The following NEGR1 variants were observed in gnomAD, a reference collection of about 807,000 sequenced individuals.
The protein encoded by NEGR1 is IgLON family member 4.
NEGR1 carries 10 observed loss-of-function variants against 40.9 expected under a neutral mutation model. The ratio of observed to expected loss-of-function variants is 0.24; its 90% CI spans 0.15 to 0.42. The LOEUF (loss-of-function observed/expected upper bound fraction) is 0.42. Among genes scored for constraint, NEGR1 ranks in the 10% least tolerant of loss-of-function variants. The probability of loss-of-function intolerance (pLI) is 1.00; values close to 1 mark genes in which losing one functional copy is unlikely to be tolerated. For missense variants in NEGR1, 352 were observed against 438.9 expected, an observed-to-expected ratio of 0.80 and a Z score of 1.77; for synonymous variants, 185 against 166.8, an observed-to-expected ratio of 1.11 and a Z score of -0.84.
At chr1:71,669,851 C>G (rs550718979) in intron 4 of NEGR1, among the ~76,000 whole-genome samples, 6 of 152,212 alleles carry the variant, frequency 3.9e-5, no homozygotes, top group African/African-American at 1.4e-4. Flanking sequence ...GGGATTTCAC[C>G]AGGTTGGCCA....
intron 1 of NEGR1, among the ~76,000 whole-genome samples, chr1:72,151,036 A>T: frequency 6.6e-6 from 1 of 151,980 alleles, no homozygotes; most frequent in East Asian, 1.9e-4. Context: ...GAAAAATAAC[A>T]GCCAAAGCCA....
intron 3 of NEGR1, among the ~76,000 whole-genome samples, chr1:71,763,866 C>G (rs1656032730): frequency 6.6e-6 from 1 of 151,930 alleles, no homozygotes; most frequent in Non-Finnish European, 1.5e-5. Context: ...ATCTCCATCC[C>G]AATTTTAATA....
intron 6 of NEGR1, among the ~76,000 whole-genome samples, chr1:71,539,322 G>T (rs1374518164): frequency 1.8e-4 from 28 of 151,768 alleles, no homozygotes; most frequent in Non-Finnish European, 3.0e-5. Context: ...AGCCTTAAAA[G>T]TAATTTTTTT....
intron 4 of NEGR1, among the ~76,000 whole-genome samples, chr1:71,624,244 A>G (rs188944697): frequency 1.1e-3 from 163 of 152,034 alleles, no homozygotes; most frequent in Middle Eastern, 6.8e-3. Flanking sequence ...TTTAAAATGC[A>G]TCTGAAATCT....
At chr1:72,265,511 A>G (rs925601938) in intron 1 of NEGR1, among the ~76,000 whole-genome samples, 6 of 150,980 alleles carry the variant, frequency 4.0e-5, no homozygotes, top group Admixed American at 1.3e-4. Flanking sequence ...TCAATTGTTA[A>G]GTGTATTTTA....
chr1:71,906,879 G>T (rs1237400584), intron 2 of NEGR1, among the ~76,000 whole-genome samples: 1 of 152,116 alleles, frequency 6.6e-6, no homozygotes, highest in African/African-American at 2.4e-5. Flanking sequence ...TAGCCTGAGG[G>T]ACAATTAGAA....
chr1:72,184,103 T>C (rs1652518271), intron 1 of NEGR1, among the ~76,000 whole-genome samples: 2 of 152,096 alleles, frequency 1.3e-5, no homozygotes, highest in South Asian at 4.1e-4. Context: ...AAATGTACCT[T>C]CTCTGCAGAA....
chr1:72,088,708 G>A (rs930053093), intron 1 of NEGR1, among the ~76,000 whole-genome samples: 1 of 151,118 alleles, frequency 6.6e-6, no homozygotes, highest in Non-Finnish European at 1.5e-5. Context: ...TAAAGACACT[G>A]ACCCTAAGGA....
At chr1:72,060,320 T>G (rs1267121207) in intron 1 of NEGR1, among the ~76,000 whole-genome samples, 1 of 151,674 alleles carries the variant, frequency 6.6e-6, no homozygotes, top group Non-Finnish European at 1.5e-5. Flanking sequence ...TTTATCATCT[T>G]AACTAGCCGT....
chr1:71,808,220 A>G (rs180933446), intron 2 of NEGR1, among the ~76,000 whole-genome samples: 23 of 152,296 alleles, frequency 1.5e-4, no homozygotes, highest in Admixed American at 1.2e-3. Context: ...TGAGGAACTG[A>G]ATCCAATCAA....
intron 6 of NEGR1, among the ~76,000 whole-genome samples, chr1:71,543,781 C>T (rs771813671): frequency 1.2e-4 from 18 of 151,608 alleles, no homozygotes; most frequent in African/African-American, 3.4e-4. Context: ...TGAGAAAAAT[C>T]TCAGTTATGA....
chr1:72,261,755 T>C (rs540232468), intron 1 of NEGR1, among the ~76,000 whole-genome samples: 1 of 152,070 alleles, frequency 6.6e-6, no homozygotes, highest in Admixed American at 6.6e-5. Flanking sequence ...GGTGAAATAA[T>C]TCAGAAACAG....
chr1:72,102,309 C>T (rs375120679), intron 1 of NEGR1, among the ~76,000 whole-genome samples: 1 of 151,892 alleles, frequency 6.6e-6, no homozygotes, highest in South Asian at 2.1e-4. Context: ...TTAAAAATTT[C>T]AGAAGTCCAA....
chr1:71,587,388 A>G (rs1649341415), intron 6 of NEGR1, among the ~76,000 whole-genome samples: 1 of 152,126 alleles, frequency 6.6e-6, no homozygotes, highest in East Asian at 1.9e-4. Flanking sequence ...CTAGCTACTG[A>G]CTTCTTTTTT....
chr1:72,256,413 A>G (rs1307699988), intron 1 of NEGR1, among the ~76,000 whole-genome samples: 3 of 152,094 alleles, frequency 2.0e-5, no homozygotes, highest in Non-Finnish European at 4.4e-5. Flanking sequence ...CCTCTACCCA[A>G]CTCTCAACAG....
chr1:71,668,217 T>C (rs1034845742), intron 4 of NEGR1, among the ~76,000 whole-genome samples: 2 of 152,202 alleles, frequency 1.3e-5, no homozygotes, highest in African/African-American at 4.8e-5. Context: ...AGCTGGTAAA[T>C]TGTCCATTAC....
intron 1 of NEGR1, among the ~76,000 whole-genome samples, chr1:72,130,549 A>T (rs1186291886): frequency 6.6e-6 from 1 of 152,156 alleles, no homozygotes; most frequent in East Asian, 1.9e-4. Flanking sequence ...TTTTGGAATC[A>T]AAACTGGCCC....
chr1:71,449,969 G>T (rs1463008977), intron 6 of NEGR1, among the ~76,000 whole-genome samples: 1 of 150,608 alleles, frequency 6.6e-6, no homozygotes, highest in Non-Finnish European at 1.5e-5. Context: ...CCAATTTTAA[G>T]ACATTTTTGG....
At chr1:72,040,577 C>CAAAAAAAAAAAAAAAAAAAA (rs5775102) in intron 1 of NEGR1, among the ~76,000 whole-genome samples, 6 of 29,704 alleles carry the variant, frequency 2.0e-4, no homozygotes, top group African/African-American at 4.9e-4. Flanking sequence ...GAGCACTGAC[C>CAAAAAAAAAAAAAAAAAAAA]AAAAAAAAAA....
Sources: allele counts gnomAD v4.1 joint callset (sites outside exome capture counted in the v4.1 genomes callset), GRCh38; gene constraint gnomAD v4.1.1; transcripts MANE v1.5; gene names NCBI Gene and HGNC (gene_info 2026-07-23, HGNC 2026-07-21).